Variants in ZNF804B observed in about 807,000 individuals in gnomAD.
ZNF804B encodes the protein zinc finger protein 804B.
In ZNF804B, 80 loss-of-function variants were observed where a neutral mutation model predicts 101.4. The observed-to-expected ratio is 0.79, with a 90% CI of 0.66 to 0.95. The LOEUF (loss-of-function observed/expected upper bound fraction) is 0.95, where lower values mean the gene tolerates loss of function less well. Ranked by LOEUF, ZNF804B falls within the 40% of genes least tolerant of loss-of-function variation. The pLI is 0.00. For synonymous variants in ZNF804B, 622 were observed against 558.8 expected, an observed-to-expected ratio of 1.11 and a Z score of -1.59; for missense variants, 1,673 against 1,561.9, an observed-to-expected ratio of 1.07 and a Z score of -1.20.
intron 1 of ZNF804B, among the ~76,000 whole-genome samples, chr7:88,798,197 C>T (rs1790521177): frequency 6.6e-6 from 1 of 152,060 alleles, no homozygotes. Context: ...CTACCTTTTA[C>T]TCCTATCAAA....
intron 1 of ZNF804B, among the ~76,000 whole-genome samples, chr7:89,194,483 T>G (rs1788513373): frequency 6.6e-6 from 1 of 150,764 alleles, no homozygotes; most frequent in Admixed American, 6.6e-5. Context: ...TTGAATTAAT[T>G]TTTGTATAAG....
At chr7:88,924,337 A>G (rs939719897) in intron 1 of ZNF804B, among the ~76,000 whole-genome samples, 2 of 152,092 alleles carry the variant, frequency 1.3e-5, no homozygotes, top group Non-Finnish European at 2.9e-5. Context: ...TACCTTGAGC[A>G]TGTGTTTTTG....
chr7:88,914,759 A>G (rs1302450980), intron 1 of ZNF804B, among the ~76,000 whole-genome samples: 4 of 152,210 alleles, frequency 2.6e-5, no homozygotes, highest in Admixed American at 6.5e-5. Context: ...TTCAAAGGAC[A>G]TTGTTGACAG....
chr7:89,163,270 A>T (rs1249088599), intron 1 of ZNF804B, among the ~76,000 whole-genome samples: 1 of 152,174 alleles, frequency 6.6e-6, no homozygotes, highest in Non-Finnish European at 1.5e-5. Flanking sequence ...TCCCTATGCC[A>T]ACCACCAAAA....
intron 2 of ZNF804B, among the ~76,000 whole-genome samples, chr7:89,277,124 C>A (rs1213924307): frequency 1.4e-5 from 2 of 147,256 alleles, no homozygotes; most frequent in Non-Finnish European, 3.0e-5. Context: ...TAAATATATA[C>A]AAAAATATAA....
At chr7:88,852,179 G>A (rs1219617192) in intron 1 of ZNF804B, among the ~76,000 whole-genome samples, 1 of 152,084 alleles carries the variant, frequency 6.6e-6, no homozygotes, top group African/African-American at 2.4e-5. Context: ...CAAAGTTGAA[G>A]CCTGACACCC....
At chr7:89,150,933 TTAAA>T (rs1790866340) in intron 1 of ZNF804B, among the ~76,000 whole-genome samples, 1 of 151,586 alleles carries the variant, frequency 6.6e-6, no homozygotes, top group Non-Finnish European at 1.5e-5. Flanking sequence ...GTTTAAGCAC[TTAAA>T]TAACTGAACT....
At chr7:89,217,767 G>T (rs1788919667) in intron 1 of ZNF804B, among the ~76,000 whole-genome samples, 2 of 152,150 alleles carry the variant, frequency 1.3e-5, no homozygotes, top group South Asian at 4.1e-4. Flanking sequence ...ATATGAAATG[G>T]ATAAATCATT....
chr7:89,071,191 T>G (rs1353247011), intron 1 of ZNF804B, among the ~76,000 whole-genome samples: 2 of 152,102 alleles, frequency 1.3e-5, no homozygotes, highest in African/African-American at 2.4e-5. Flanking sequence ...ATTGCCCTTT[T>G]TCTGAGTGTT....
At chr7:89,190,461 G>A (rs994908085) in intron 1 of ZNF804B, among the ~76,000 whole-genome samples, 1 of 152,024 alleles carries the variant, frequency 6.6e-6, no homozygotes, top group Non-Finnish European at 1.5e-5. Flanking sequence ...AGCAAAGAAA[G>A]TGGTTTCTTG....
Position 88,895,772 on chromosome 7 carries a change from A to G in ZNF804B, c.108+135688A>G, listed in dbSNP as rs891410972. On this transcript the variant is annotated intron_variant, in intron 1 of 3. Coordinates refer to ENST00000333190, the MANE Select transcript of ZNF804B (RefSeq NM_181646.5). ...AACTGAAAGAGCTCCGAATATTCAA[A>G]GCTGGAACAAGTTGTGCAACAGAAT... Among the ~76,000 whole-genome samples, 3 of 152,244 alleles carry G rather than the reference A, an allele frequency of 2.0e-5. 1 individual carries two copies. Among genetic ancestry groups the G allele is most frequent in the Admixed American group, 2.0e-4 (3 of 15,290 alleles).
At position 89,039,967 on chromosome 7, in the gene ZNF804B, T is replaced by C. The variant is rs537047699; in HGVS notation, c.109-178188T>C. On this transcript the variant is annotated intron_variant, in intron 1 of 3. Coordinates refer to ENST00000333190, the MANE Select transcript of ZNF804B (RefSeq NM_181646.5). The stretch of plus-strand genomic sequence containing the variant: ...GTATGTCTTGATGATGATCTGTTTA[T>C]GTTTAATCTATTTTGGGTTTTTTGA... Among the ~76,000 whole-genome samples the C allele has an allele frequency of 8.5e-5, 13 of 152,232 alleles. No homozygotes were observed. The East Asian group carries it at 2.5e-3, about 29-fold the overall frequency.
chr7:88,927,851 C>T (rs1018599268), intron 1 of ZNF804B, among the ~76,000 whole-genome samples: 2 of 152,070 alleles, frequency 1.3e-5, no homozygotes, highest in Non-Finnish European at 2.9e-5. Context: ...AATTAACATG[C>T]ACTTATGGGT....
At position 89,183,929 on chromosome 7, in the gene ZNF804B, TTTA is replaced by T. The variant is rs1165279365; in HGVS notation, c.109-34224_109-34222del. On this transcript the variant is annotated intron_variant, in intron 1 of 3. Transcript: ENST00000333190. ...TTTTGTGGGTCCTTAATTTCAGTCT[TTTA>T]TAGAGTTAGCCTTTTTATAAGCTGA... is the stretch of plus-strand genomic sequence containing the variant. Among the ~76,000 whole-genome samples the T allele has an allele frequency of 2.0e-5, 3 of 152,130 alleles. No individual in the cohort carries two copies. In the East Asian group the frequency reaches 5.8e-4, roughly 29 times the overall value.
At chr7:88,842,735 A>T (rs2115808580) in intron 1 of ZNF804B, among the ~76,000 whole-genome samples, 1 of 152,330 alleles carries the variant, frequency 6.6e-6, no homozygotes, top group East Asian at 1.9e-4. Context: ...CTTCAAACGA[A>T]CTAAGAATTT....
At chr7:89,061,875 T>C (rs1165663949) in intron 1 of ZNF804B, among the ~76,000 whole-genome samples, 2 of 152,084 alleles carry the variant, frequency 1.3e-5, no homozygotes, top group African/African-American at 4.8e-5. Flanking sequence ...TATCTTCTCG[T>C]CTCTACCTCT....
chr7:89,202,580 A>G (rs569834641), intron 1 of ZNF804B, among the ~76,000 whole-genome samples: 86 of 152,286 alleles, frequency 5.6e-4, no homozygotes, highest in Non-Finnish European at 9.4e-4. Context: ...AAAAAATTCT[A>G]CATCTACATT....
chr7:89,323,969 G>A (rs1391898447), intron 2 of ZNF804B, among the ~76,000 whole-genome samples: 1 of 152,018 alleles, frequency 6.6e-6, no homozygotes, highest in East Asian at 1.9e-4. Context: ...GAGAAAAATA[G>A]AAATTTGGGC....
chr7:88,870,957 G>A lies in ZNF804B; in HGVS notation c.108+110873G>A, dbSNP rs1032914012. 2.0e-5 allele frequency among the ~76,000 whole-genome samples: 3 copies of A among 152,176 alleles called. No homozygotes were observed. The East Asian group carries it at 5.8e-4, about 29-fold the overall frequency. ...TGTCATAAGGAAAGATATTAATTGT[G>A]TTAATAAGATTCAGTAATGATATAA... On this transcript the variant is annotated intron_variant, in intron 1 of 3. Transcript: ENST00000333190.
Sources: allele counts gnomAD v4.1 joint callset (sites outside exome capture counted in the v4.1 genomes callset), GRCh38; gene constraint gnomAD v4.1.1; transcripts MANE v1.5; gene names NCBI Gene and HGNC (gene_info 2026-07-23, HGNC 2026-07-21).